The following EYS variants were observed in gnomAD, a reference collection of about 807,000 sequenced individuals.
The protein encoded by EYS is protein eyes shut homolog.
Under a neutral mutation model 282.1 loss-of-function variants are expected in EYS, and 250 were observed. The ratio of observed to expected loss-of-function variants is 0.89; its 90% CI spans 0.80 to 0.98. The LOEUF is 0.98. Ranked by LOEUF, EYS falls within the 50% of genes least tolerant of loss-of-function variation. The pLI, the probability that EYS is intolerant of heterozygous loss-of-function variation, is 0.00. For missense variants in EYS, 4,016 were observed against 3,709.0 expected, an observed-to-expected ratio of 1.08 and a Z score of -2.15; for synonymous variants, 1,355 against 1,282.9, an observed-to-expected ratio of 1.06 and a Z score of -1.20.
At chr6:65,447,189 C>T (rs1002041002) in intron 5 of EYS, among the ~76,000 whole-genome samples, 2 of 151,066 alleles carry the variant, frequency 1.3e-5, no homozygotes, top group South Asian at 4.2e-4. Flanking sequence ...TATTCATTTG[C>T]TTAATCATCT....
At chr6:64,262,526 T>C (rs972562271) in intron 30 of EYS, among the ~76,000 whole-genome samples, 1 of 152,116 alleles carries the variant, frequency 6.6e-6, no homozygotes, top group East Asian at 1.9e-4. Context: ...TAGTATGCTT[T>C]TTAAGACTCT....
chr6:65,654,248 T>C (rs1767744378), intron 1 of EYS, among the ~76,000 whole-genome samples: 1 of 151,876 alleles, frequency 6.6e-6, no homozygotes, highest in Non-Finnish European at 1.5e-5. Flanking sequence ...AGCCTATGAA[T>C]TCATAGTATA....
At chr6:64,958,104 T>A (rs2150103845) in intron 14 of EYS, among the ~76,000 whole-genome samples, 1 of 152,142 alleles carries the variant, frequency 6.6e-6, no homozygotes, top group African/African-American at 2.4e-5. Context: ...TGTATATATA[T>A]CACACATAAA....
intron 12 of EYS, among the ~76,000 whole-genome samples, chr6:65,138,820 A>G (rs1279768146): frequency 6.6e-6 from 1 of 152,092 alleles, no homozygotes; most frequent in East Asian, 1.9e-4. Context: ...CATGAGGCCA[A>G]CAAGCATATG....
chr6:65,368,953 A>G (rs919332061), intron 8 of EYS, among the ~76,000 whole-genome samples: 2 of 151,474 alleles, frequency 1.3e-5, no homozygotes, highest in African/African-American at 4.8e-5. Flanking sequence ...TATTGAAGCT[A>G]CATCAGAGCA....
At chr6:64,716,884 A>G (rs1269709775) in intron 22 of EYS, among the ~76,000 whole-genome samples, 4 of 152,162 alleles carry the variant, frequency 2.6e-5, no homozygotes, top group African/African-American at 7.2e-5. Context: ...GTTGCCACAT[A>G]TTATACAAAG....
intron 7 of EYS, among the ~76,000 whole-genome samples, chr6:65,386,834 T>G (rs1765821589): frequency 6.6e-6 from 1 of 151,908 alleles, no homozygotes; most frequent in Non-Finnish European, 1.5e-5. Flanking sequence ...GTTTCTAAAA[T>G]GTCCAATTTA....
intron 15 of EYS, among the ~76,000 whole-genome samples, chr6:64,918,460 C>T (rs981946085): frequency 2.6e-5 from 4 of 151,994 alleles, no homozygotes; most frequent in Non-Finnish European, 5.9e-5. Flanking sequence ...TTTGTTTGTT[C>T]GTTTGTTTGT....
At chr6:64,856,727 T>C (rs1302339006) in intron 19 of EYS, among the ~76,000 whole-genome samples, 1 of 152,232 alleles carries the variant, frequency 6.6e-6, no homozygotes, top group Non-Finnish European at 1.5e-5. Context: ...GTCTTTTTAG[T>C]CCTTCACAAT....
intron 30 of EYS, among the ~76,000 whole-genome samples, chr6:64,275,977 A>G (rs1458610175): frequency 6.6e-6 from 1 of 151,568 alleles, no homozygotes; most frequent in Non-Finnish European, 1.5e-5. Context: ...AAAAAAAAAA[A>G]GCTTATTGCC....
intron 2 of EYS, among the ~76,000 whole-genome samples, chr6:65,594,042 CTAA>C (rs1229484657): frequency 6.6e-6 from 1 of 151,828 alleles, no homozygotes; most frequent in African/African-American, 2.4e-5. Context: ...TGGTGCTTCA[CTAA>C]TAATAACAAA....
At chr6:64,224,037 C>A (rs1341534620) in intron 31 of EYS, among the ~76,000 whole-genome samples, 1 of 151,892 alleles carries the variant, frequency 6.6e-6, no homozygotes, top group Non-Finnish European at 1.5e-5. Context: ...GAAGATAGTG[C>A]CAAAAAGAAA....
chr6:65,091,614 GGTTAATCTTCACGTAGTTTGA>G (rs1202172530), intron 12 of EYS, among the ~76,000 whole-genome samples: 2 of 152,012 alleles, frequency 1.3e-5, no homozygotes, highest in Non-Finnish European at 2.9e-5. Flanking sequence ...AAAATGCTAA[GGTTAATCTTCACGTAGTTTGA>G]GTTTTTATTG....
chr6:63,787,839 T>TGAGGCAGGAGAATCACTTG (rs1770405768), intron 39 of EYS, among the ~76,000 whole-genome samples: 1 of 152,092 alleles, frequency 6.6e-6, no homozygotes, highest in Admixed American at 6.5e-5. Context: ...CTAGGGAGGC[T>TGAGGCAGGAGAATCACTTG]GAGGCAGGAG....
intron 30 of EYS, among the ~76,000 whole-genome samples, chr6:64,273,297 A>C (rs1768000809): frequency 6.6e-6 from 1 of 152,164 alleles, no homozygotes; most frequent in African/African-American, 2.4e-5. Flanking sequence ...GTTTTAATTT[A>C]AGTTTAATTT....
rs1772597256 is a variant in EYS, at chr6:63,863,675, C to CTTTTCTTTTTTT, written c.7228+510_7228+511insAAAAAAAGAAAA. ...TTTCTTTTCTTTTCTTTTCTTTTTT[C>CTTTTCTTTTTTT]TTTTTTTTTTTTTTTTTTGAGATGG... On this transcript the variant is annotated intron_variant, in intron 36 of 42. Transcript: ENST00000503581. Among the ~76,000 whole-genome samples the CTTTTCTTTTTTT allele has an allele frequency of 5.3e-4, 32 of 60,046 alleles. 2 individuals are homozygous for CTTTTCTTTTTTT. Among genetic ancestry groups the CTTTTCTTTTTTT allele is most frequent in the East Asian group, 1.9e-3 (3 of 1,612 alleles). The allele number at this position is 60,046 out of a possible 152,430, so 39.4% of individuals were successfully genotyped here.
chr6:64,328,358 C>A (rs917950613), intron 29 of EYS, among the ~76,000 whole-genome samples: 1 of 152,114 alleles, frequency 6.6e-6, no homozygotes, highest in Non-Finnish European at 1.5e-5. Context: ...CAGGCTGGGA[C>A]CCTAACCAGG....
intron 9 of EYS, among the ~76,000 whole-genome samples, chr6:65,346,886 C>A (rs955457576): frequency 4.6e-5 from 7 of 151,858 alleles, no homozygotes; most frequent in African/African-American, 1.7e-4. Flanking sequence ...ACACATGATT[C>A]TACACTGCTG....
intron 5 of EYS, among the ~76,000 whole-genome samples, chr6:65,466,716 G>C (rs1765013230): frequency 6.6e-6 from 1 of 152,124 alleles, no homozygotes; most frequent in Non-Finnish European, 1.5e-5. Flanking sequence ...ACTTGGACAG[G>C]GTTGCATGAG....
Sources: gnomAD v4.1 joint callset for allele counts (sites outside exome capture counted in the v4.1 genomes callset) on GRCh38, gnomAD v4.1.1 for gene constraint, MANE v1.5 for transcripts, NCBI Gene and HGNC (gene_info 2026-07-23, HGNC 2026-07-21) for gene names.